Variants in CRHR2 observed in about 807,000 individuals in gnomAD.
CRHR2 encodes corticotropin-releasing hormone receptor 2.
A neutral mutation model predicts 57.9 loss-of-function variants in CRHR2; 53 were observed. That is an observed-to-expected ratio of 0.92 (90% CI 0.73 to 1.15). CRHR2 has a LOEUF of 1.15. CRHR2 is among the 50% of genes most tolerant of loss of function. The probability of loss-of-function intolerance (pLI) is 0.00; values close to 1 mark genes in which losing one functional copy is unlikely to be tolerated. For missense variants in CRHR2, 532 were observed against 542.6 expected, an observed-to-expected ratio of 0.98 and a Z score of 0.19; for synonymous variants, 213 against 220.9, an observed-to-expected ratio of 0.96 and a Z score of 0.32.
intron 1 of CRHR2, among the ~76,000 whole-genome samples, chr7:30,696,258 A>G (rs1420538555): frequency 2.0e-5 from 3 of 152,182 alleles, no homozygotes. Context: ...TTGTACATTT[A>G]AAAATAACTA....
chr7:30,681,961 C>T lies in CRHR2; in HGVS notation c.183G>A (p.Glu61=), dbSNP rs752112371. 6.2e-7 allele frequency: 1 copy of T among 1,611,908 alleles called. No homozygotes were observed. The highest frequency in any genetic ancestry group is 8.5e-7 in the Non-Finnish European group (1 of 1,179,434). Residue 61 remains glutamate (E), a synonymous_variant, in exon 2 of 12, where the codon GAG becomes GAA. Transcript: ENST00000471646. ...CGTTGAAGTACTCGGGGCACGGCCT[C>T]TCCACGAGGGCTCCGGCAGCGCTGC... ...WPRSAAGALV[E]RPCPEYFNGV...
At position 30,656,136 on chromosome 7, in the gene CRHR2, A is replaced by G; in HGVS notation, c.832-124T>C. 1 of 833,536 alleles carries G rather than the reference A, an allele frequency of 1.2e-6. No homozygotes were observed. The allele number at this position is 833,536 out of a possible 1,614,324, so 51.6% of individuals were successfully genotyped here. On this transcript the variant is annotated intron_variant, in intron 8 of 11. Coordinates refer to ENST00000471646, the MANE Select transcript of CRHR2 (RefSeq NM_001883.5). This position sits in a 1 kb window ranked among gnomAD's most constrained non-coding sequence, Gnocchi z 4.4. ...GATGTCCCACGCACACACCTATCCTACCTGTCCCCCTAGCACCTGCCAGCA... is the reference window on the plus strand; with the variant it reads ...GATGTCCCACGCACACACCTATCCTGCCTGTCCCCCTAGCACCTGCCAGCA...
intron 8 of CRHR2, among the ~76,000 whole-genome samples, chr7:30,658,965 G>T (rs1366722695): frequency 6.6e-6 from 1 of 152,238 alleles, no homozygotes; most frequent in East Asian, 1.9e-4. Context: ...TGGGGACAAA[G>T]CAGGAGACCT....
intron 2 of CRHR2, among the ~76,000 whole-genome samples, chr7:30,674,661 T>C (rs1379489095): frequency 2.0e-5 from 3 of 152,184 alleles, no homozygotes; most frequent in African/African-American, 7.2e-5. Flanking sequence ...GGCAAGGGGC[T>C]GCCTTTCTCT....
intron 3 of CRHR2, among the ~76,000 whole-genome samples, chr7:30,666,529 G>C (rs1784189128): frequency 6.6e-6 from 1 of 152,226 alleles, no homozygotes; most frequent in Non-Finnish European, 1.5e-5. Context: ...CCTGCCCATT[G>C]AGTGGCCTCC....
In CRHR2 at chr7:30,659,422, C is replaced by G. The variant is rs527574287; in HGVS notation, c.831+1151G>C. The stretch of plus-strand genomic sequence containing the variant: ...GGCTCAGTTCCAGGCTCATCAAAAG[C>G]CTTATTCCTCCAGGATGGCCCTTGG... On this transcript the variant is annotated intron_variant, in intron 8 of 11. Transcript: ENST00000471646. Among the ~76,000 whole-genome samples the G allele has an allele frequency of 5.3e-5, 8 of 152,324 alleles. No individual in the cohort carries two copies. The East Asian group carries it at 1.2e-3, about 22-fold the overall frequency.
intron 2 of CRHR2, chr7:30,689,137 G>A (rs1353358902): frequency 2.0e-6 from 3 of 1,483,472 alleles, no homozygotes; most frequent in Non-Finnish European, 2.8e-6. Context: ...TCCTCCCGCA[G>A]GGCCCACCCA....
intron 3 of CRHR2, among the ~76,000 whole-genome samples, chr7:30,666,263 T>C (rs1004891766): frequency 2.0e-5 from 3 of 152,008 alleles, no homozygotes; most frequent in Non-Finnish European, 2.9e-5. Flanking sequence ...GTGGGGTGCA[T>C]TGAGATTAGT....
chr7:30,688,318 G>C (rs1442167366), intron 2 of CRHR2, among the ~76,000 whole-genome samples: 1 of 152,182 alleles, frequency 6.6e-6, no homozygotes, highest in Non-Finnish European at 1.5e-5. Flanking sequence ...ATCAGCTTCT[G>C]CTCAAGCCCC....
intron 1 of CRHR2, among the ~76,000 whole-genome samples, chr7:30,692,271 C>T (rs982268230): frequency 6.6e-6 from 1 of 152,186 alleles, no homozygotes; most frequent in Non-Finnish European, 1.5e-5. Context: ...TCCCAAGGCC[C>T]AGCTCAAGCT....
In CRHR2 at chr7:30,655,027, C is replaced by A; in HGVS notation, c.1095+12G>T. ...GGATATCCCAGGCCACCCCGAGGGC[C>A]CAGCTTCATACCTCTCCATTGAAGA... On this transcript the variant is annotated intron_variant, in intron 11 of 11. Transcript: ENST00000471646. 1 of 1,612,674 alleles carries A rather than the reference C, an allele frequency of 6.2e-7. No individual in the cohort carries two copies. Among genetic ancestry groups the A allele is most frequent in the Non-Finnish European group, 8.5e-7 (1 of 1,179,236 alleles).
chr7:30,661,830 T>C (rs1225654418), intron 7 of CRHR2, among the ~76,000 whole-genome samples: 4 of 152,192 alleles, frequency 2.6e-5, no homozygotes, highest in Admixed American at 2.0e-4. Context: ...TGTGCGGCCT[T>C]GGCCCCTTCC....
At chr7:30,658,988 C>T (rs925814174) in intron 8 of CRHR2, among the ~76,000 whole-genome samples, 1 of 152,256 alleles carries the variant, frequency 6.6e-6, no homozygotes, top group Non-Finnish European at 1.5e-5. Flanking sequence ...CTTTGAGCCT[C>T]TGCTCTGCTA....
At chr7:30,699,677 TCA>T (rs1454425351) in intron 1 of CRHR2, 3 of 272,086 alleles carry the variant, frequency 1.1e-5, no homozygotes, top group South Asian at 3.9e-5. Flanking sequence ...CTGGCCAGCC[TCA>T]CAGTTTCATC....
intron 8 of CRHR2, among the ~76,000 whole-genome samples, chr7:30,657,503 A>G (rs577799160): frequency 6.6e-6 from 1 of 152,202 alleles, no homozygotes; most frequent in Non-Finnish European, 1.5e-5. Context: ...TCACCTTAAC[A>G]TATAAGTGAA....
chr7:30,690,762 C>G (rs1478641959), intron 1 of CRHR2, among the ~76,000 whole-genome samples: 1 of 152,202 alleles, frequency 6.6e-6, no homozygotes, highest in Non-Finnish European at 1.5e-5. Flanking sequence ...AGTGCTGCCC[C>G]CTGCACCCCT....
chr7:30,659,984 T>G (rs1442165250), intron 8 of CRHR2, among the ~76,000 whole-genome samples: 1 of 152,268 alleles, frequency 6.6e-6, no homozygotes, highest in Non-Finnish European at 1.5e-5. Flanking sequence ...TGGGTTCCTT[T>G]TGCAGAATGC....
At position 30,665,332 on chromosome 7, in the gene CRHR2, C is replaced by A; in HGVS notation, c.426-145G>T. 1.2e-6 allele frequency: 1 copy of A among 834,080 alleles called. No homozygotes were observed. Among genetic ancestry groups the A allele is most frequent in the Non-Finnish European group, 2.0e-6 (1 of 512,534 alleles). The allele number at this position is 834,080 out of a possible 1,614,324, so 51.7% of individuals were successfully genotyped here. On this transcript the variant is annotated intron_variant, in intron 4 of 11. Transcript: ENST00000471646. The surrounding 1 kb of genome is among the most constrained non-coding windows in gnomAD (Gnocchi z 4.5). Reference sequence around the variant, plus strand: ...CCCACCCATGGTGGCCACAGTTGGGCCTCTGAGTCCAGCTCCCACTCTGCA... The same window carrying A: ...CCCACCCATGGTGGCCACAGTTGGGACTCTGAGTCCAGCTCCCACTCTGCA...
intron 2 of CRHR2, among the ~76,000 whole-genome samples, chr7:30,688,581 C>T (rs565439857): frequency 6.6e-6 from 1 of 152,250 alleles, no homozygotes; most frequent in African/African-American, 2.4e-5. Context: ...TCTCCTTGTG[C>T]CCTGGCAGTG....
Sources: gnomAD v4.1 joint callset for allele counts (sites outside exome capture counted in the v4.1 genomes callset) on GRCh38, gnomAD v4.1.1 for gene constraint, Gnocchi (gnomAD v3.1) non-coding constraint, MANE v1.5 for transcripts, NCBI Gene and HGNC (gene_info 2026-07-23, HGNC 2026-07-21) for gene names.